LILRA6: variants seen among roughly 807,000 people sequenced by gnomAD.
LILRA6 encodes leukocyte immunoglobulin-like receptor subfamily A member 6.
Under a neutral mutation model 53.9 loss-of-function variants are expected in LILRA6, and 16 were observed. The ratio of observed to expected loss-of-function variants is 0.30; its 90% CI spans 0.20 to 0.45. The LOEUF (loss-of-function observed/expected upper bound fraction) is 0.45. Among genes scored for constraint, LILRA6 ranks in the 20% least tolerant of loss-of-function variants. The pLI is 1.00. For synonymous variants in LILRA6, 135 were observed against 256.4 expected (o/e 0.53, Z 4.52); for missense variants, 306 against 618.6 (o/e 0.49, Z 5.36).
rs1160990196 is a variant in LILRA6 at position 54,239,749 on chromosome 19, T to C, written c.1309+152A>G. On this transcript the variant is annotated intron_variant, in intron 7 of 7. Transcript: ENST00000396365. ...CTCCTCCTGGCTGGGCCCCAACATC[T>C]CTCTCTGCCTTGAACCCCCCACTCT... The C allele has an allele frequency of 3.2e-6, 5 of 1,549,998 alleles. No individual in the cohort carries two copies. In the East Asian group the frequency reaches 1.2e-4, roughly 38 times the overall value.
At chr19:54,238,822 C>T in exon 8 of LILRA6, 3 of 1,464,420 alleles carry the variant, frequency 2.0e-6, no homozygotes, top group East Asian at 2.4e-5. Flanking sequence ...ACATGATTAC[C>T]TTCCACAGTG....
rs553048077 is a variant in LILRA6, at chr19:54,238,660, T to C, written c.*293A>G. 410 of 393,924 alleles carry C rather than the reference T, an allele frequency of 1.0e-3. 17 individuals are homozygous for C. Among genetic ancestry groups the C allele is most frequent in the African/African-American group, 6.2e-3 (297 of 47,580 alleles). The allele number at this position is 393,924 out of a possible 1,614,324, so 24.4% of individuals were successfully genotyped here. A position where few individuals can be genotyped will look rare whatever the true frequency, so the allele number is the denominator to read the frequency against. On this transcript the variant is annotated 3_prime_UTR_variant, in exon 8 of 8. Coordinates refer to ENST00000396365, the Ensembl canonical transcript of LILRA6. ...ATATTGTCATGAATTCCTCAAGAGT[T>C]AGTGTTTGCTGGCCTCCAAGAGGCA... is the stretch of plus-strand genomic sequence containing the variant.
exon 4 of LILRA6, chr19:54,241,801 C>G (rs372029359): frequency 7.5e-7 from 1 of 1,330,796 alleles, no homozygotes; most frequent in Non-Finnish European, 1.0e-6. Context: ...TTCTGTGAGC[C>G]ACATTGGAGG....
At chr19:54,240,977 T>A in exon 5 of LILRA6, 1 of 1,612,986 alleles carries the variant, frequency 6.2e-7, no homozygotes, top group African/African-American at 1.3e-5. Context: ...CTGGGGCTGC[T>A]GGCCAGGGCG....
At chr19:54,239,329 T>C in intron 7 of LILRA6, 2 of 1,301,108 alleles carry the variant, frequency 1.5e-6, no homozygotes, top group Non-Finnish European at 1.0e-6. Flanking sequence ...GTTCTTATTC[T>C]TCCAGGCCTC....
At chr19:54,239,456 C>A in intron 7 of LILRA6, 2 of 623,032 alleles carry the variant, frequency 3.2e-6, no homozygotes, top group Admixed American at 6.7e-5. Flanking sequence ...TTCAACGCTG[C>A]TCCTGAGCCA....
chr19:54,238,017 C>CTTTTTTTT (rs11458700), downstream of LILRA6: 1 of 143,440 alleles, frequency 7.0e-6, no homozygotes, highest in Non-Finnish European at 1.5e-5. Context: ...TGTGTCTCTT[C>CTTTTTTTT]TTTTTTTTTT....
At position 54,239,143 on chromosome 19, in the gene LILRA6, A is replaced by G. The variant is rs2078680842; in HGVS notation, c.1310-54T>C. On this transcript the variant is annotated intron_variant, in intron 7 of 7. Coordinates refer to ENST00000396365, the Ensembl canonical transcript of LILRA6. ...AGGTCCGGGCAGATCAACTTCACCC[A>G]GGACCCCTGGATGCCCAACCCAGGG... 3.1e-6 allele frequency: 5 copies of G among 1,605,722 alleles called. 1 individual carries two copies. The highest frequency in any genetic ancestry group is 4.2e-6 in the Non-Finnish European group (5 of 1,176,902).
chr19:54,237,992 T>G (rs7257398), downstream of LILRA6: 1 of 149,492 alleles, frequency 6.7e-6, no homozygotes, highest in Middle Eastern at 3.4e-3. Flanking sequence ...GTTCTGTGCT[T>G]TGTGTTCATA....
chr19:54,241,382 C>A (rs2078758820), intron 4 of LILRA6, 194 bp downstream of exon 4: 1 of 1,031,672 alleles, frequency 9.7e-7, no homozygotes, highest in Admixed American at 2.9e-5. Context: ...CTTCCTGAGT[C>A]CTCCCCGTTC....
Position 54,240,375 on chromosome 19 carries a change from A to G in LILRA6, c.1157T>C (p.Val386Ala), listed in dbSNP as rs752503193. 24 of 1,607,882 alleles carry G rather than the reference A, an allele frequency of 1.5e-5. 2 individuals are homozygous for G. Among genetic ancestry groups the G allele is most frequent in the South Asian group, 4.6e-5 (4 of 87,658 alleles). ...GTAGGTCCCCGCGTGGGCTGAGGTC[A>G]CAGGACTCATGGGGAATTCAGCCTG... The change falls in exon 6 of 8, where the codon GTG becomes GCG. Residue 386 changes from valine (V) to alanine (A), a missense_variant. Physicochemically the swap from Val to Ala is moderately conservative, Grantham distance 64. Coordinates refer to ENST00000396365, the Ensembl canonical transcript of LILRA6.
At chr19:54,239,041 A>T (rs1335967846) in exon 8 of LILRA6, 1 of 1,611,362 alleles carries the variant, frequency 6.2e-7, no homozygotes. Flanking sequence ...CAAGCCTGCC[A>T]TGCCCATGCG....
downstream of LILRA6, chr19:54,237,424 C>T (rs1465172231): frequency 2.0e-5 from 3 of 150,818 alleles, no homozygotes; most frequent in African/African-American, 5.0e-5. Context: ...TTTATTGGAT[C>T]GTTACACATT....
At position 54,239,037 on chromosome 19, in the gene LILRA6, T is replaced by A. The variant is rs377424625; in HGVS notation, c.1362A>T (p.Ala454=). 111 of 1,611,382 alleles carry A rather than the reference T, an allele frequency of 6.9e-5. 2 individuals are homozygous for A. The highest frequency in any genetic ancestry group is 4.1e-4 in the African/African-American group (30 of 73,222). ...TCCCGAGGAACACCAGGACCAAGCCTGCCATGCCCATGCGGATGAGATTCT... is the reference window on the plus strand; with the variant it reads ...TCCCGAGGAACACCAGGACCAAGCCAGCCATGCCCATGCGGATGAGATTCT... Residue 454 remains alanine, a synonymous_variant, in exon 8 of 8, where the codon GCA becomes GCT. Transcript: ENST00000396365.
downstream of LILRA6, chr19:54,238,049 C>G (rs374396140): frequency 1.2e-4 from 17 of 139,442 alleles, no homozygotes; most frequent in African/African-American, 4.7e-4. Flanking sequence ...TAGATGAAGT[C>G]TCGTACTGTC....
At chr19:54,238,908 C>T in exon 8 of LILRA6, 1 of 1,601,180 alleles carries the variant, frequency 6.2e-7, no homozygotes, top group Admixed American at 1.7e-5. Context: ...CAGATCTGTC[C>T]CTGAGGCTCC....
At chr19:54,238,578 G>T in exon 8 of LILRA6, 1 of 241,568 alleles carries the variant, frequency 4.1e-6, no homozygotes, top group Non-Finnish European at 7.8e-6. Flanking sequence ...GGGATCATCA[G>T]ATTGAACACA....
At chr19:54,237,845 T>C (rs558148997), downstream of LILRA6, 46 of 150,874 alleles carry the variant, frequency 3.0e-4, 4 homozygotes, top group Middle Eastern at 3.4e-3. Context: ...GTAGTATCCC[T>C]TGGTGGAATT....
At chr19:54,239,659 A>T (rs1365744271) in intron 7 of LILRA6, 3 of 1,517,538 alleles carry the variant, frequency 2.0e-6, no homozygotes, top group Non-Finnish European at 2.7e-6. Context: ...GGTCCTCAGG[A>T]CCTCCTGGGT....
Sources: allele counts gnomAD v4.1 joint callset, GRCh38; gene constraint gnomAD v4.1.1; transcripts MANE v1.5; gene names NCBI Gene and HGNC (gene_info 2026-07-23, HGNC 2026-07-21).